Variants in HCN1 observed in about 807,000 individuals in gnomAD.
HCN1 encodes the protein potassium/sodium hyperpolarization-activated cyclic nucleotide-gated channel 1.
In HCN1, 13 loss-of-function variants were observed where a neutral mutation model predicts 78.9. The ratio of observed to expected loss-of-function variants is 0.16; its 90% confidence interval spans 0.11 to 0.26. The LOEUF (loss-of-function observed/expected upper bound fraction) is 0.26, where lower values mean the gene tolerates loss of function less well. Among genes scored for constraint, HCN1 ranks in the 10% least tolerant of loss-of-function variants. The pLI is 1.00. For missense variants in HCN1, 810 were observed against 1,154.3 expected, an observed-to-expected ratio of 0.70 and a Z score of 4.32; for synonymous variants, 552 against 455.5, an observed-to-expected ratio of 1.21 and a Z score of -2.70.
chr5:45,280,114 A>G (rs1253412977), intron 6 of HCN1, among the ~76,000 whole-genome samples: 2 of 152,174 alleles, frequency 1.3e-5, no homozygotes, highest in Non-Finnish European at 2.9e-5. Context: ...TACAGCATCA[A>G]CTAAAAACAA....
In HCN1 at chr5:45,262,463, G is replaced by A. The variant is rs1744766206; in HGVS notation, c.2131C>T (p.Pro711Ser). 1 of 1,612,900 alleles carries A rather than the reference G, an allele frequency of 6.2e-7. No homozygotes were observed. The highest frequency in any genetic ancestry group is 1.7e-5 in the Admixed American group (1 of 59,986). Reference protein sequence around the residue: ...TAVCSPPVQSPLAARTFHYAS... With the variant: ...TAVCSPPVQSSLAARTFHYAS... ...TAGTGGAAAGTTCGAGCGGCCAGAG[G>A]GCTCTGTACAGGAGGGCTGCAGACC... The change falls in exon 8 of 8, where the codon CCT (proline) becomes TCT (serine). Residue 711 changes from proline (P) to serine (S), a missense_variant. This residue lies in a region of HCN1 where 398 missense variants were observed against 381.3 expected (regional missense o/e 1.04). Transcript: ENST00000303230.
chr5:45,674,816 G>A lies in HCN1; in HGVS notation c.425+20853C>T, dbSNP rs147753445. Reference sequence around the variant, plus strand: ...ATGGGCTGGGTGTAGTGGCTCACTCGTGTAATCCTAACACTTTGGAAGGCT... The same window carrying A: ...ATGGGCTGGGTGTAGTGGCTCACTCATGTAATCCTAACACTTTGGAAGGCT... On this transcript the variant is annotated intron_variant, in intron 1 of 7. Transcript: ENST00000303230. Among the ~76,000 whole-genome samples, 52 of 151,722 alleles carry A rather than the reference G, an allele frequency of 3.4e-4. 1 individual carries two copies. In the East Asian group the frequency reaches 7.8e-3, roughly 23 times the overall value.
chr5:45,673,437 T>G (rs770476629), intron 1 of HCN1, among the ~76,000 whole-genome samples: 1 of 151,378 alleles, frequency 6.6e-6, no homozygotes, highest in Non-Finnish European at 1.5e-5. Flanking sequence ...ATTATTTGAG[T>G]CCCCCCACAC....
intron 1 of HCN1, among the ~76,000 whole-genome samples, chr5:45,686,861 T>A (rs2112097332): frequency 6.6e-6 from 1 of 152,264 alleles, no homozygotes; most frequent in East Asian, 1.9e-4. Flanking sequence ...TATTTTGGAG[T>A]ACTCCTGGGA....
chr5:45,678,166 T>C (rs1010889391), intron 1 of HCN1, among the ~76,000 whole-genome samples: 18 of 151,882 alleles, frequency 1.2e-4, no homozygotes, highest in Non-Finnish European at 2.2e-4. Flanking sequence ...TGGCTACTTA[T>C]GAAATAATTA....
chr5:45,493,862 G>A (rs1741957021), intron 2 of HCN1, among the ~76,000 whole-genome samples: 1 of 148,622 alleles, frequency 6.7e-6, no homozygotes, highest in African/African-American at 2.5e-5. Flanking sequence ...TTGGTTTTTT[G>A]TTCTTGCGAT....
intron 2 of HCN1, among the ~76,000 whole-genome samples, chr5:45,596,892 T>C (rs1472010860): frequency 2.6e-5 from 4 of 152,178 alleles, no homozygotes; most frequent in Non-Finnish European, 5.9e-5. Flanking sequence ...GGCAAGGAAC[T>C]AGAGAAAGAA....
chr5:45,657,189 T>A (rs1326204435), intron 1 of HCN1, among the ~76,000 whole-genome samples: 1 of 152,174 alleles, frequency 6.6e-6, no homozygotes, highest in African/African-American at 2.4e-5. Flanking sequence ...ACACCAATCC[T>A]ACAGCATACT....
chr5:45,451,237 A>C (rs1740912323), intron 3 of HCN1, among the ~76,000 whole-genome samples: 1 of 152,146 alleles, frequency 6.6e-6, no homozygotes, highest in African/African-American at 2.4e-5. Context: ...CCTTTGTATA[A>C]AAATCTGTAT....
At chr5:45,653,902 T>C (rs1308396138) in intron 1 of HCN1, among the ~76,000 whole-genome samples, 2 of 152,072 alleles carry the variant, frequency 1.3e-5, no homozygotes, top group African/African-American at 4.8e-5. Context: ...ACATGTACCC[T>C]AAAACTTAAA....
intron 3 of HCN1, among the ~76,000 whole-genome samples, chr5:45,432,370 C>T (rs1283289846): frequency 1.3e-5 from 2 of 152,024 alleles, no homozygotes; most frequent in Non-Finnish European, 2.9e-5. Context: ...GAATCATTTT[C>T]TCTGCAAAGG....
At chr5:45,430,691 G>C (rs189786682) in intron 3 of HCN1, among the ~76,000 whole-genome samples, 4 of 151,654 alleles carry the variant, frequency 2.6e-5, no homozygotes, top group African/African-American at 9.7e-5. Flanking sequence ...CTCCATCATC[G>C]GGCGCTTGTA....
intron 2 of HCN1, among the ~76,000 whole-genome samples, chr5:45,489,687 C>T (rs1374731036): frequency 3.3e-5 from 5 of 152,122 alleles, no homozygotes; most frequent in African/African-American, 1.2e-4. Flanking sequence ...CAGCTTATAA[C>T]GAGTCAATCT....
At position 45,396,720 on chromosome 5, in the gene HCN1, A is replaced by G. The variant is rs534350594; in HGVS notation, c.1012-10T>C. Reference sequence around the variant, plus strand: ...TTCCCCAAGAATCATTCTGCAACATAAGATAAAAAGAAAATTGACTGAGCC... The same window carrying G: ...TTCCCCAAGAATCATTCTGCAACATGAGATAAAAAGAAAATTGACTGAGCC... On this transcript the variant is annotated splice_polypyrimidine_tract_variant and intron_variant, in intron 3 of 7. Coordinates refer to ENST00000303230, the MANE Select transcript of HCN1 (RefSeq NM_021072.4). 1.2e-6 allele frequency: 2 copies of G among 1,608,566 alleles called. No individual in the cohort carries two copies. The highest frequency in any genetic ancestry group is 3.3e-5 in the Admixed American group (2 of 59,982).
At chr5:45,544,093 T>C (rs924006226) in intron 2 of HCN1, among the ~76,000 whole-genome samples, 5 of 152,100 alleles carry the variant, frequency 3.3e-5, no homozygotes, top group African/African-American at 4.8e-5. Context: ...CAAATACTTA[T>C]CTGCTTCCAA....
At position 45,548,048 on chromosome 5, in the gene HCN1, T is replaced by G. The variant is rs576525637; in HGVS notation, c.850-86041A>C. ...AACATTATCAGAGATATAACAGGAT[T>G]ATTTTAATATTACATGCTCAAGTAG... On this transcript the variant is annotated intron_variant, in intron 2 of 7. Coordinates refer to ENST00000303230, the MANE Select transcript of HCN1 (RefSeq NM_021072.4). Among the ~76,000 whole-genome samples the G allele has an allele frequency of 3.9e-5, 6 of 152,028 alleles. No homozygotes were observed. The South Asian group carries it at 1.0e-3, about 26-fold the overall frequency.
intron 2 of HCN1, among the ~76,000 whole-genome samples, chr5:45,531,487 C>G (rs914645647): frequency 6.6e-6 from 1 of 152,126 alleles, no homozygotes; most frequent in African/African-American, 2.4e-5. Flanking sequence ...CTACTAGTCC[C>G]GTGTTTTTAA....
intron 5 of HCN1, among the ~76,000 whole-genome samples, chr5:45,323,166 GAA>G (rs1054425827): frequency 6.6e-6 from 1 of 151,686 alleles, no homozygotes; most frequent in African/African-American, 2.4e-5. Flanking sequence ...GCATTTCTGA[GAA>G]AAATTCAGCA....
intron 2 of HCN1, among the ~76,000 whole-genome samples, chr5:45,524,653 CTGTT>C (rs1346109073): frequency 3.3e-5 from 5 of 151,922 alleles, no homozygotes; most frequent in African/African-American, 7.3e-5. Flanking sequence ...ATTTGGCTCT[CTGTT>C]TGTCTGTTAT....
Sources: gnomAD v4.1 joint callset for allele counts (sites outside exome capture counted in the v4.1 genomes callset) on GRCh38, gnomAD v4.1.1 for gene constraint, gnomAD v4.1.1 regional missense constraint, MANE v1.5 for transcripts, NCBI Gene and HGNC (gene_info 2026-07-23, HGNC 2026-07-21) for gene names.